Variants in HAND2 observed in about 807,000 individuals in gnomAD.
HAND2 encodes the protein heart and neural crest derivatives expressed 2, also known as heart- and neural crest derivatives-expressed protein 2.
Under a neutral mutation model 14.7 loss-of-function variants are expected in HAND2, and 2 were observed. That is an observed-to-expected ratio of 0.14 (90% CI 0.06 to 0.43). The LOEUF (loss-of-function observed/expected upper bound fraction) is 0.43, where lower values mean the gene tolerates loss of function less well. HAND2 is among the 20% of genes least tolerant of loss of function. The pLI, the probability that HAND2 is intolerant of heterozygous loss-of-function variation, is 0.99. For missense variants in HAND2, 275 were observed against 313.6 expected (o/e 0.88, Z 0.93); for synonymous variants, 162 against 135.9 (o/e 1.19, Z -1.34).
rs370677207 is a variant in HAND2 at position 173,527,217 on chromosome 4, T to C, written c.*60A>G. On this transcript the variant is annotated 3_prime_UTR_variant, in exon 2 of 2. Coordinates refer to ENST00000359562, the MANE Select transcript of HAND2 (RefSeq NM_021973.3). ...GACGGCTTTTCCGGAGTCCTGGGTC[T>C]GCATCTGGCGCCTTGGCCCCTGCTC... 1 of 1,132,696 alleles carries C rather than the reference T, an allele frequency of 8.8e-7. No individual in the cohort carries two copies. Among genetic ancestry groups the C allele is most frequent in the Non-Finnish European group, 1.3e-6 (1 of 749,114 alleles). 70.2% of individuals were successfully genotyped at this position (1,132,696 alleles called of 1,614,324 possible).
At position 173,529,322 on chromosome 4, in the gene HAND2, G is replaced by T. The variant is rs1200535698; in HGVS notation, c.-33C>A. On this transcript the variant is annotated 5_prime_UTR_variant, in exon 1 of 2. Transcript: ENST00000359562. ...TCCGCGCCCCTCCACGCGCCCCAGC[G>T]TGCGCGCAGCCCCGCCGCGCCCTCG... 6.2e-6 allele frequency: 8 copies of T among 1,284,984 alleles called. No homozygotes were observed. Among genetic ancestry groups the T allele is most frequent in the Non-Finnish European group, 7.8e-6 (8 of 1,023,404 alleles). The allele number at this position is 1,284,984 out of a possible 1,614,324, so 79.6% of individuals were successfully genotyped here.
intron 1 of HAND2, chr4:173,527,885 A>T (rs1364514760): frequency 6.1e-6 from 1 of 164,788 alleles, no homozygotes; most frequent in East Asian, 1.7e-4. Flanking sequence ...CAGCCACCAA[A>T]GGGCTGCAGG....
rs1415191850 is a variant in HAND2, at chr4:173,530,115, C to T, written c.-826G>A. On this transcript the variant is annotated 5_prime_UTR_variant, in exon 1 of 2. Transcript: ENST00000359562. The surrounding 1 kb of genome is among the most constrained non-coding windows in gnomAD (Gnocchi z 6.2). ...GCTCGAAGACCGCGGCTCGGGCTCT[C>T]GGAGGGCTCTGCGCGGTGGCCGAGG... The T allele has an allele frequency of 1.3e-5, 2 of 151,982 alleles. No homozygotes were observed. The highest frequency in any genetic ancestry group is 2.9e-5 in the Non-Finnish European group (2 of 68,036). The allele number at this position is 151,982 out of a possible 1,614,324, so 9.4% of individuals were successfully genotyped here.
chr4:173,528,467 G>C lies in HAND2; in HGVS notation c.555+268C>G, dbSNP rs533022329. 1 of 506,310 alleles carries C rather than the reference G, an allele frequency of 2.0e-6. No homozygotes were observed. Among genetic ancestry groups the C allele is most frequent in the Non-Finnish European group, 3.6e-6 (1 of 277,312 alleles). 31.4% of individuals were successfully genotyped at this position (506,310 alleles called of 1,614,324 possible). On this transcript the variant is annotated intron_variant, in intron 1 of 1. Coordinates refer to ENST00000359562, the MANE Select transcript of HAND2 (RefSeq NM_021973.3). The surrounding 1 kb of genome is among the most constrained non-coding windows in gnomAD (Gnocchi z 5.6). ...TCGCGACCCAGAGTTTTCAAGGTCC[G>C]TCCTAAGTACTAGGGGAGCAGCGAT...
In HAND2 at chr4:173,529,013, C is replaced by T. The variant is rs529197560; in HGVS notation, c.277G>A (p.Gly93Arg). Residue 93 changes from glycine to arginine, a missense_variant, in exon 1 of 2, where the codon GGG becomes AGG. Gly to Arg is a moderately radical substitution (Grantham distance 125, BLOSUM62 -2). Around this residue, in one of 4 missense-constraint regions of HAND2, gnomAD observed 175 missense variants for 157.1 expected, o/e 1.11. Transcript: ENST00000359562. ...CGGCGCTTCACCGGGCGCGGCCCCC[C>T]CAGGCCCGGGGGCCCGGCGCCCGGC... is the stretch of plus-strand genomic sequence containing the variant. ...VPPGAGPPGL[G>R]GPRPVKRRGT... is the part of the protein sequence containing the mutation. The T allele has an allele frequency of 6.9e-6, 11 of 1,592,998 alleles. No individual in the cohort carries two copies. In the South Asian group the frequency reaches 1.0e-4, roughly 15 times the overall value.
At position 173,528,569 on chromosome 4, in the gene HAND2, C is replaced by G. The variant is rs1328365543; in HGVS notation, c.555+166G>C. On this transcript the variant is annotated intron_variant, in intron 1 of 1. Coordinates refer to ENST00000359562, the MANE Select transcript of HAND2 (RefSeq NM_021973.3). This position sits in a 1 kb window ranked among gnomAD's most constrained non-coding sequence, Gnocchi z 5.6. Reference sequence around the variant, plus strand: ...CTGCTGACACCCTCCCCTCAACTCTCTGCTTATGCCGGAAGCCATCCTTAC... The same window carrying G: ...CTGCTGACACCCTCCCCTCAACTCTGTGCTTATGCCGGAAGCCATCCTTAC... The G allele has an allele frequency of 3.9e-6, 3 of 778,778 alleles. No individual in the cohort carries two copies. The highest frequency in any genetic ancestry group is 6.3e-6 in the Non-Finnish European group (3 of 478,194). 48.2% of individuals were successfully genotyped at this position (778,778 alleles called of 1,614,324 possible).
chr4:173,529,037 G>A lies in HAND2; in HGVS notation c.253C>T (p.Pro85Ser). 1 of 1,500,354 alleles carries A rather than the reference G, an allele frequency of 6.7e-7. No individual in the cohort carries two copies. The highest frequency in any genetic ancestry group is 8.8e-7 in the Non-Finnish European group (1 of 1,133,668). 92.9% of individuals were successfully genotyped at this position (1,500,354 alleles called of 1,614,324 possible). Residue 85 changes from proline to serine, a missense_variant, in exon 1 of 2, where the codon CCG becomes TCG. This residue lies in a region of HAND2 where 175 missense variants were observed against 157.1 expected (regional missense o/e 1.11). Coordinates refer to ENST00000359562, the MANE Select transcript of HAND2 (RefSeq NM_021973.3). ...CCCAGGCCCGGGGGCCCGGCGCCCG[G>A]CGGCACCCCCCCGTAATGGGAGTGG... ...LDHSHYGGVPPGAGPPGLGGP... is the reference protein window; with the variant it reads ...LDHSHYGGVPSGAGPPGLGGP...
In HAND2 at chr4:173,526,178, C is replaced by G. The variant is rs1296718854; in HGVS notation, c.*1099G>C. The G allele has an allele frequency of 6.6e-6, 1 of 152,124 alleles. No homozygotes were observed. Among genetic ancestry groups the G allele is most frequent in the Non-Finnish European group, 1.5e-5 (1 of 68,056 alleles). The allele number at this position is 152,124 out of a possible 1,614,324, so 9.4% of individuals were successfully genotyped here. A position where few individuals can be genotyped will look rare whatever the true frequency, so the allele number is the denominator to read the frequency against. On this transcript the variant is annotated 3_prime_UTR_variant, in exon 2 of 2. Transcript: ENST00000359562. ...AATGCCGGGGTTCTCCTCACAACTC[C>G]TCCACCAGAAACACTCTCCAAACAA...
At position 173,528,514 on chromosome 4, in the gene HAND2, G is replaced by C. The variant is rs555402320; in HGVS notation, c.555+221C>G. 1,882 of 595,982 alleles carry C rather than the reference G, an allele frequency of 3.2e-3. 10 individuals are homozygous for C. The highest frequency in any genetic ancestry group is 3.0e-3 in the Non-Finnish European group (1,006 of 335,006). The allele number at this position is 595,982 out of a possible 1,614,324, so 36.9% of individuals were successfully genotyped here. On this transcript the variant is annotated intron_variant, in intron 1 of 1. Coordinates refer to ENST00000359562, the MANE Select transcript of HAND2 (RefSeq NM_021973.3). This position sits in a 1 kb window ranked among gnomAD's most constrained non-coding sequence, Gnocchi z 5.6. The stretch of plus-strand genomic sequence containing the variant: ...CGATAACCCGGAGGTAAGATCACCA[G>C]CGCAAAGCATCCCTAACCTTCTCCT...
At position 173,529,160 on chromosome 4, in the gene HAND2, G is replaced by A. The variant is rs1731609061; in HGVS notation, c.130C>T (p.His44Tyr). ...TCGGGGTGGCCGATGAGCCAGCCAT[G>A]GAAGTAGGGGTTCTCCTCATGGCTG... is the stretch of plus-strand genomic sequence containing the variant. ...RCSHEENPYF[H>Y]GWLIGHPEMS... is the part of the protein sequence containing the mutation. Residue 44 changes from histidine (H) to tyrosine (Y), a missense_variant, in exon 1 of 2, where the codon CAT becomes TAT. Physicochemically the swap from His to Tyr is moderately conservative, Grantham distance 83. This residue lies in a region of HAND2 where 175 missense variants were observed against 157.1 expected (regional missense o/e 1.11). Transcript: ENST00000359562. 6.8e-7 allele frequency: 1 copy of A among 1,474,158 alleles called. No homozygotes were observed. The highest frequency in any genetic ancestry group is 1.5e-5 in the African/African-American group (1 of 67,242). The allele number at this position is 1,474,158 out of a possible 1,614,324, so 91.3% of individuals were successfully genotyped here.
rs942313329 is a variant in HAND2, at chr4:173,526,754, A to G, written c.*523T>C. 9.1e-6 allele frequency: 3 copies of G among 328,936 alleles called. No homozygotes were observed. The highest frequency in any genetic ancestry group is 6.5e-5 in the African/African-American group (3 of 46,450). 20.4% of individuals were successfully genotyped at this position (328,936 alleles called of 1,614,324 possible). Reference sequence around the variant, plus strand: ...ATCTTCAAAGAGGGAACGACCACAGATGAATGGATAGCACTAGATACCGAC... The same window carrying G: ...ATCTTCAAAGAGGGAACGACCACAGGTGAATGGATAGCACTAGATACCGAC... On this transcript the variant is annotated 3_prime_UTR_variant, in exon 2 of 2. Coordinates refer to ENST00000359562, the MANE Select transcript of HAND2 (RefSeq NM_021973.3).
chr4:173,529,409 C>T lies in HAND2; in HGVS notation c.-120G>A. On this transcript the variant is annotated 5_prime_UTR_variant, in exon 1 of 2. Transcript: ENST00000359562. ...CACCCCCCACCCCCCAGCCCCCGGG[C>T]GCCCGGGCCCGCCCGGCAGCCGCAG... is the stretch of plus-strand genomic sequence containing the variant. 2.3e-6 allele frequency: 1 copy of T among 439,826 alleles called. No homozygotes were observed. The allele number at this position is 439,826 out of a possible 1,614,324, so 27.2% of individuals were successfully genotyped here.
Position 173,526,136 on chromosome 4 carries a change from G to T in HAND2, c.*1141C>A, listed in dbSNP as rs936538536. 1.3e-5 allele frequency: 2 copies of T among 151,010 alleles called. No homozygotes were observed. The highest frequency in any genetic ancestry group is 2.4e-5 in the African/African-American group (1 of 40,970). 9.4% of individuals were successfully genotyped at this position (151,010 alleles called of 1,614,324 possible). A position where few individuals can be genotyped will look rare whatever the true frequency, so the allele number is the denominator to read the frequency against. The stretch of plus-strand genomic sequence containing the variant: ...AGTTTGAATTAAACACCCCAGACTA[G>T]TTCCCGTTGCAGCAATAATGCCGGG... On this transcript the variant is annotated 3_prime_UTR_variant, in exon 2 of 2. Coordinates refer to ENST00000359562, the MANE Select transcript of HAND2 (RefSeq NM_021973.3).
intron 1 of HAND2, 175 bp from the exon 2 acceptor site, chr4:173,527,550 T>C (rs1731497653): frequency 3.1e-6 from 2 of 637,650 alleles, no homozygotes; most frequent in South Asian, 3.5e-5. Flanking sequence ...AGCGCTACCC[T>C]AGCCGGCGGG....
rs536440491 is a variant in HAND2 at position 173,528,720 on chromosome 4, C to A, written c.555+15G>T. The A allele has an allele frequency of 6.2e-7, 1 of 1,608,492 alleles. No individual in the cohort carries two copies. Among genetic ancestry groups the A allele is most frequent in the African/African-American group, 1.3e-5 (1 of 74,904 alleles). ...ACCCCCTCAGCCCCACCGCCTGCCG[C>A]CCCCTGGTACTGACCAGCTCCTTCT... On this transcript the variant is annotated intron_variant, in intron 1 of 1. Transcript: ENST00000359562. This position sits in a 1 kb window ranked among gnomAD's most constrained non-coding sequence, Gnocchi z 5.6.
In HAND2 at chr4:173,528,521, G is replaced by A. The variant is rs1731579371; in HGVS notation, c.555+214C>T. On this transcript the variant is annotated intron_variant, in intron 1 of 1. Transcript: ENST00000359562. This position sits in a 1 kb window ranked among gnomAD's most constrained non-coding sequence, Gnocchi z 5.6. The stretch of plus-strand genomic sequence containing the variant: ...CCGGAGGTAAGATCACCAGCGCAAA[G>A]CATCCCTAACCTTCTCCTCCTCCTG... The A allele has an allele frequency of 3.3e-6, 2 of 605,740 alleles. No individual in the cohort carries two copies. The highest frequency in any genetic ancestry group is 5.9e-6 in the Non-Finnish European group (2 of 341,786). The allele number at this position is 605,740 out of a possible 1,614,324, so 37.5% of individuals were successfully genotyped here.
At position 173,527,214 on chromosome 4, in the gene HAND2, G is replaced by A. The variant is rs763240197; in HGVS notation, c.*63C>T. ...GCGGACGGCTTTTCCGGAGTCCTGG[G>A]TCTGCATCTGGCGCCTTGGCCCCTG... On this transcript the variant is annotated 3_prime_UTR_variant, in exon 2 of 2. Coordinates refer to ENST00000359562, the MANE Select transcript of HAND2 (RefSeq NM_021973.3). 5 of 1,089,258 alleles carry A rather than the reference G, an allele frequency of 4.6e-6. No individual in the cohort carries two copies. The African/African-American group carries it at 6.1e-5, about 13-fold the overall frequency. The allele number at this position is 1,089,258 out of a possible 1,614,324, so 67.5% of individuals were successfully genotyped here. A position where few individuals can be genotyped will look rare whatever the true frequency, so the allele number is the denominator to read the frequency against.
At position 173,528,601 on chromosome 4, in the gene HAND2, T is replaced by C; in HGVS notation, c.555+134A>G. 1.8e-6 allele frequency: 2 copies of C among 1,099,816 alleles called. No homozygotes were observed. Among genetic ancestry groups the C allele is most frequent in the Non-Finnish European group, 2.6e-6 (2 of 755,682 alleles). 68.1% of individuals were successfully genotyped at this position (1,099,816 alleles called of 1,614,324 possible). ...TGCCGGAAGCCATCCTTACACAACC[T>C]GGTGCAAACAACCTTGAAGCGGGAC... On this transcript the variant is annotated intron_variant, in intron 1 of 1. Transcript: ENST00000359562. The surrounding 1 kb of genome is among the most constrained non-coding windows in gnomAD (Gnocchi z 5.6).
At position 173,528,695 on chromosome 4, in the gene HAND2, AC is replaced by A. The variant is rs766629861; in HGVS notation, c.555+39del. On this transcript the variant is annotated intron_variant, in intron 1 of 1. Transcript: ENST00000359562. The surrounding 1 kb of genome is among the most constrained non-coding windows in gnomAD (Gnocchi z 5.6). ...AGAGGCCGGGAGCACCAGTTCCCTGACCCCCTCAGCCCCACCGCCTGCCGCC... is the reference window on the plus strand; with the variant it reads ...AGAGGCCGGGAGCACCAGTTCCCTGACCCCTCAGCCCCACCGCCTGCCGCC... 1.2e-5 allele frequency: 19 copies of A among 1,588,554 alleles called. No individual in the cohort carries two copies. The highest frequency in any genetic ancestry group is 1.7e-4 in the Middle Eastern group (1 of 6,024).
Sources: gnomAD v4.1 joint callset for allele counts on GRCh38, gnomAD v4.1.1 for gene constraint, gnomAD v4.1.1 regional missense constraint, Gnocchi (gnomAD v3.1) non-coding constraint, MANE v1.5 for transcripts, NCBI Gene and HGNC (gene_info 2026-07-23, HGNC 2026-07-21) for gene names.